The following NALF1 variants were observed in gnomAD, a reference collection of about 807,000 sequenced individuals.
NALF1 encodes NALCN channel auxiliary factor 1.
Under a neutral mutation model 48.4 loss-of-function variants are expected in NALF1, and 3 were observed. The observed-to-expected ratio is 0.06, with a 90% CI of 0.03 to 0.16. The LOEUF is 0.16. Among genes scored for constraint, NALF1 ranks in the 10% least tolerant of loss-of-function variants. The probability of loss-of-function intolerance (pLI) is 1.00; values close to 1 mark genes in which losing one functional copy is unlikely to be tolerated. For missense variants in NALF1, 526 were observed against 571.5 expected (o/e 0.92, Z 0.81); for synonymous variants, 262 against 245.7 (o/e 1.07, Z -0.62).
At chr13:107,643,146 C>A (rs1480533797) in intron 1 of NALF1, among the ~76,000 whole-genome samples, 1 of 152,132 alleles carries the variant, frequency 6.6e-6, no homozygotes, top group Non-Finnish European at 1.5e-5. Flanking sequence ...CAGAGTCCGC[C>A]ATGGGTTATG....
intron 1 of NALF1, among the ~76,000 whole-genome samples, chr13:107,754,116 T>G (rs146530233): frequency 1.3e-5 from 2 of 152,152 alleles, no homozygotes; most frequent in African/African-American, 4.8e-5. Context: ...GTTTGCTAGG[T>G]GTGATACAAA....
At chr13:107,443,399 T>C (rs1490581648) in intron 1 of NALF1, among the ~76,000 whole-genome samples, 1 of 152,126 alleles carries the variant, frequency 6.6e-6, no homozygotes, top group African/African-American at 2.4e-5. Flanking sequence ...GTATTTTTAG[T>C]AGAGGCAGAT....
At chr13:107,777,629 G>C (rs182256977) in intron 1 of NALF1, among the ~76,000 whole-genome samples, 203 of 152,244 alleles carry the variant, frequency 1.3e-3, no homozygotes, top group African/African-American at 4.5e-3. Context: ...TAAGCTTCCT[G>C]AGGCCTCCCC....
intron 1 of NALF1, among the ~76,000 whole-genome samples, chr13:107,802,128 A>T (rs909154137): frequency 3.3e-5 from 5 of 152,330 alleles, no homozygotes; most frequent in Non-Finnish European, 7.4e-5. Context: ...TAAACAGAAG[A>T]CATTTGTGTC....
intron 1 of NALF1, among the ~76,000 whole-genome samples, chr13:107,254,318 G>A (rs963963160): frequency 2.0e-5 from 3 of 152,096 alleles, no homozygotes; most frequent in East Asian, 1.9e-4. Flanking sequence ...TGGAAAGCAC[G>A]CACGCTCAGC....
At chr13:107,711,482 T>C (rs1459495247) in intron 1 of NALF1, among the ~76,000 whole-genome samples, 1 of 152,222 alleles carries the variant, frequency 6.6e-6, no homozygotes, top group Non-Finnish European at 1.5e-5. Context: ...GCTACAAGCA[T>C]GCACCACCAC....
intron 1 of NALF1, among the ~76,000 whole-genome samples, chr13:107,322,055 T>C (rs1219315389): frequency 6.6e-6 from 1 of 152,126 alleles, no homozygotes; most frequent in African/African-American, 2.4e-5. Context: ...CTCCTTGTCT[T>C]GTATTTGCGA....
intron 1 of NALF1, among the ~76,000 whole-genome samples, chr13:107,475,998 G>C (rs1187680833): frequency 6.6e-6 from 1 of 152,130 alleles, no homozygotes; most frequent in Non-Finnish European, 1.5e-5. Context: ...TAATGCTTCT[G>C]AAGACAGATT....
chr13:107,352,559 T>A (rs1443631934), intron 1 of NALF1, among the ~76,000 whole-genome samples: 1 of 152,130 alleles, frequency 6.6e-6, no homozygotes, highest in Non-Finnish European at 1.5e-5. Flanking sequence ...AACTTCTCCT[T>A]GTGCTCTCAC....
At chr13:107,186,817 G>A (rs950074648) in intron 2 of NALF1, among the ~76,000 whole-genome samples, 1 of 152,186 alleles carries the variant, frequency 6.6e-6, no homozygotes, top group African/African-American at 2.4e-5. Context: ...TAAGTCAGAA[G>A]TCTGGGATGA....
At chr13:107,273,695 A>T (rs1881221230) in intron 1 of NALF1, among the ~76,000 whole-genome samples, 1 of 152,372 alleles carries the variant, frequency 6.6e-6, no homozygotes, top group South Asian at 2.1e-4. Flanking sequence ...TGAAAGGCAC[A>T]TTATGTGCTA....
chr13:107,704,195 T>A (rs556768602), intron 1 of NALF1, among the ~76,000 whole-genome samples: 2 of 152,194 alleles, frequency 1.3e-5, no homozygotes, highest in Non-Finnish European at 2.9e-5. Context: ...TTTGTGCGAG[T>A]TCCCCACTAC....
chr13:107,282,648 G>A (rs1881411734), intron 1 of NALF1, among the ~76,000 whole-genome samples: 2 of 152,198 alleles, frequency 1.3e-5, no homozygotes, highest in South Asian at 4.1e-4. Flanking sequence ...TATGTTGTAA[G>A]GACCTTCCGG....
chr13:107,177,040 A>C (rs982618646), intron 2 of NALF1, among the ~76,000 whole-genome samples: 2 of 152,152 alleles, frequency 1.3e-5, no homozygotes, highest in African/African-American at 4.8e-5. Flanking sequence ...AGGATACAAC[A>C]TCAACATACA....
In NALF1 at chr13:107,165,753, A is replaced by G. The variant is rs920403174; in HGVS notation, c.*4744T>C. 1 of 152,130 alleles carries G rather than the reference A, an allele frequency of 6.6e-6. No individual in the cohort carries two copies. The highest frequency in any genetic ancestry group is 1.5e-5 in the Non-Finnish European group (1 of 68,020). The allele number at this position is 152,130 out of a possible 1,614,324, so 9.4% of individuals were successfully genotyped here. On this transcript the variant is annotated 3_prime_UTR_variant, in exon 3 of 3. Transcript: ENST00000375915. The stretch of plus-strand genomic sequence containing the variant: ...GTCTTTTTATTCATTGTCACCCAAT[A>G]CCTACCTGCTATATTAGGTTTTTTA...
intron 1 of NALF1, among the ~76,000 whole-genome samples, chr13:107,688,633 C>CT (rs1261571281): frequency 6.6e-6 from 1 of 152,126 alleles, no homozygotes; most frequent in African/African-American, 2.4e-5. Flanking sequence ...AACAAGACTT[C>CT]TTTTTTTCTA....
chr13:107,675,707 C>T (rs1881101662), intron 1 of NALF1, among the ~76,000 whole-genome samples: 1 of 152,146 alleles, frequency 6.6e-6, no homozygotes, highest in African/African-American at 2.4e-5. Context: ...CTGGTTCTAT[C>T]ACCAACGTTT....
chr13:107,557,836 A>C (rs1877524427), intron 1 of NALF1, among the ~76,000 whole-genome samples: 1 of 152,184 alleles, frequency 6.6e-6, no homozygotes, highest in African/African-American at 2.4e-5. Flanking sequence ...TGAGGAACCG[A>C]AAAGAGGCTC....
At position 107,538,947 on chromosome 13, in the gene NALF1, T is replaced by G. The variant is rs4101917; in HGVS notation, c.915+326735A>C. Among the ~76,000 whole-genome samples, 3,601 of 152,126 alleles carry G rather than the reference T, an allele frequency of 0.024. 373 individuals are homozygous for G. The East Asian group carries it at 0.35, about 15-fold the overall frequency. On this transcript the variant is annotated intron_variant, in intron 1 of 2. Coordinates refer to ENST00000375915, the MANE Select transcript of NALF1 (RefSeq NM_001080396.3). ...GTACCCATTCTTATTATAATTATGA[T>G]CATCCATCCATCCATCCATTCATTC...
Sources: gnomAD v4.1 joint callset for allele counts (sites outside exome capture counted in the v4.1 genomes callset) on GRCh38, gnomAD v4.1.1 for gene constraint, MANE v1.5 for transcripts, NCBI Gene and HGNC (gene_info 2026-07-23, HGNC 2026-07-21) for gene names.